The following DMD variants were observed in gnomAD, a reference collection of about 807,000 sequenced individuals.
The protein encoded by DMD is dystrophin, also known as mutant dystrophin.
Under a neutral mutation model 330.1 loss-of-function variants are expected in DMD, and 63 were observed. The observed-to-expected ratio is 0.19, with a 90% confidence interval of 0.16 to 0.24. The LOEUF (loss-of-function observed/expected upper bound fraction) is 0.24, where lower values mean the gene tolerates loss of function less well. Among genes scored for constraint, DMD ranks in the 10% least tolerant of loss-of-function variants. DMD has a pLI of 1.00. For missense variants in DMD, 3,344 were observed against 2,684.1 expected, an observed-to-expected ratio of 1.25 and a Z score of -5.43; for synonymous variants, 1,223 against 959.8, an observed-to-expected ratio of 1.27 and a Z score of -5.07.
chrX:32,679,188 T>C (rs767161426), intron 9 of DMD, among the ~76,000 whole-genome samples: 1 of 112,378 alleles, frequency 8.9e-6, no homozygotes, highest in South Asian at 3.7e-4. Context: ...CCTTTTGTAT[T>C]TCTACAGTTA....
chrX:32,119,328 T>TAA (rs563310793), intron 44 of DMD, among the ~76,000 whole-genome samples: 11,934 of 72,893 alleles, frequency 0.16, 935 homozygotes, highest in African/African-American at 0.2. Flanking sequence ...GTGAGACAGT[T>TAA]AAAAAAAAAA....
At chrX:33,043,298 T>C (rs1343784965) in intron 1 of DMD, among the ~76,000 whole-genome samples, 1 of 111,652 alleles carries the variant, frequency 9.0e-6, no homozygotes, top group Non-Finnish European at 1.9e-5. Context: ...AGGCTTTTTT[T>C]AGTAGCTTCA....
In DMD at chrX:33,171,469, C is replaced by T. The variant is rs985390240; in HGVS notation, c.31+39813G>A. ...AGCATTCTGAAAGCAGATTTGAGAC[C>T]TCTAAAGCTATTTCTTTTACAGTTT... On this transcript the variant is annotated intron_variant, in intron 1 of 78. Transcript: ENST00000357033. Among the ~76,000 whole-genome samples the T allele has an allele frequency of 6.3e-5, 7 of 111,289 alleles. 1 individual carries two copies. The highest frequency in any genetic ancestry group is 2.3e-4 in the African/African-American group (7 of 30,702).
intron 48 of DMD, among the ~76,000 whole-genome samples, chrX:31,858,264 C>T (rs1056481773): frequency 1.6e-4 from 18 of 111,484 alleles, no homozygotes; most frequent in Non-Finnish European, 2.5e-4. Flanking sequence ...GTAAATTCAA[C>T]GCATAAAGTT....
At chrX:32,140,492 A>G (rs2096747255) in intron 44 of DMD, among the ~76,000 whole-genome samples, 1 of 112,508 alleles carries the variant, frequency 8.9e-6, no homozygotes, top group Non-Finnish European at 1.9e-5. Flanking sequence ...ATGACTTTTC[A>G]AAGTTGATAA....
intron 6 of DMD, 146 bp downstream of exon 6, chrX:32,816,322 C>G (rs2077757651): frequency 3.3e-6 from 2 of 610,454 alleles, no homozygotes; most frequent in Admixed American, 5.7e-5. Context: ...TTAGTTCATT[C>G]CAATGGAACG....
At chrX:33,213,909 C>A (rs2052003157), upstream of DMD, among the ~76,000 whole-genome samples, 1 of 111,525 alleles carries the variant, frequency 9.0e-6, no homozygotes, top group African/African-American at 3.3e-5. Flanking sequence ...CTCATGCTAC[C>A]CCTTTACAGT....
At chrX:32,322,998 G>C (rs936644359) in intron 41 of DMD, among the ~76,000 whole-genome samples, 1 of 112,317 alleles carries the variant, frequency 8.9e-6, no homozygotes, top group African/African-American at 3.2e-5. Context: ...CTGAAGTACA[G>C]TTGGCCCTCT....
chrX:32,086,515 A>G (rs189248509), intron 44 of DMD, among the ~76,000 whole-genome samples: 2 of 111,504 alleles, frequency 1.8e-5, no homozygotes, highest in South Asian at 3.8e-4. Context: ...AACTGAATAC[A>G]TTAATTGGCA....
intron 1 of DMD, among the ~76,000 whole-genome samples, chrX:33,252,015 T>C (rs1415989389): frequency 8.9e-6 from 1 of 112,314 alleles, no homozygotes; most frequent in Non-Finnish European, 1.9e-5. Context: ...TACTCAAGCA[T>C]TTAGAACATG....
intron 9 of DMD, among the ~76,000 whole-genome samples, chrX:32,666,122 G>T (rs1183931131): frequency 9.0e-6 from 1 of 110,894 alleles, no homozygotes; most frequent in Non-Finnish European, 1.9e-5. Flanking sequence ...TATGATCTTA[G>T]AGTGTATTGG....
chrX:32,392,512 G>A (rs1354639289), intron 30 of DMD, among the ~76,000 whole-genome samples: 3 of 111,074 alleles, frequency 2.7e-5, no homozygotes, highest in Middle Eastern at 4.7e-3. Flanking sequence ...CACCTGCCTC[G>A]GCTTCCCAAA....
At chrX:32,684,274 T>G (rs1257292836) in intron 9 of DMD, among the ~76,000 whole-genome samples, 1 of 111,678 alleles carries the variant, frequency 9.0e-6, no homozygotes, top group Non-Finnish European at 1.9e-5. Context: ...AGATATATAC[T>G]CTATTTGAAA....
intron 7 of DMD, among the ~76,000 whole-genome samples, chrX:32,760,722 T>C (rs955864052): frequency 8.9e-6 from 1 of 112,110 alleles, no homozygotes; most frequent in African/African-American, 3.2e-5. Context: ...ACTTCATATA[T>C]TGATGTTGCA....
At chrX:33,034,306 C>T (rs1348150309) in intron 1 of DMD, among the ~76,000 whole-genome samples, 5 of 111,277 alleles carry the variant, frequency 4.5e-5, no homozygotes, top group African/African-American at 6.5e-5. Flanking sequence ...TTGATCATTC[C>T]GAGCGCCTAC....
intron 54 of DMD, among the ~76,000 whole-genome samples, chrX:31,644,501 T>A (rs2079966423): frequency 8.9e-6 from 1 of 111,856 alleles, no homozygotes; most frequent in African/African-American, 3.2e-5. Flanking sequence ...TTGAAATTGG[T>A]GACTTCATAG....
At chrX:33,276,166 T>A (rs2053231317) in intron 1 of DMD, among the ~76,000 whole-genome samples, 1 of 111,751 alleles carries the variant, frequency 8.9e-6, no homozygotes. Context: ...CCACTGCTAG[T>A]TAAGTTTCTT....
At chrX:31,957,598 A>G (rs899875457) in intron 45 of DMD, among the ~76,000 whole-genome samples, 3 of 112,211 alleles carry the variant, frequency 2.7e-5, no homozygotes, top group Admixed American at 1.9e-4. Flanking sequence ...TTACACAAAT[A>G]TAGTACTTTC....
At chrX:32,556,275 C>T (rs1444478007) in intron 16 of DMD, among the ~76,000 whole-genome samples, 4 of 111,291 alleles carry the variant, frequency 3.6e-5, no homozygotes, top group Admixed American at 9.5e-5. Context: ...TAACATCTCA[C>T]GCCAGTCAGA....
Sources: gnomAD v4.1 joint callset for allele counts (sites outside exome capture counted in the v4.1 genomes callset) on GRCh38, gnomAD v4.1.1 for gene constraint, MANE v1.5 for transcripts, NCBI Gene and HGNC (gene_info 2026-07-23, HGNC 2026-07-21) for gene names.